Variants in PTPN6 observed in about 807,000 individuals in gnomAD.
PTPN6 encodes protein tyrosine phosphatase non-receptor type 6, also known as tyrosine-protein phosphatase non-receptor type 6.
A neutral mutation model predicts 81.5 loss-of-function variants in PTPN6; 18 were observed. That is an observed-to-expected ratio of 0.22 (90% CI 0.15 to 0.33). The LOEUF (loss-of-function observed/expected upper bound fraction) is 0.33. PTPN6 is among the 10% of genes least tolerant of loss of function. The pLI, the probability that PTPN6 is intolerant of heterozygous loss-of-function variation, is 1.00. For missense variants in PTPN6, 500 were observed against 794.2 expected (o/e 0.63, Z 4.45); for synonymous variants, 301 against 310.9 (o/e 0.97, Z 0.33).
chr12:6,956,535 C>A lies in PTPN6; in HGVS notation c.1041C>A (p.Ile347=). ...CGTGGCAGGAGAACAGCCGTGTCAT[C>A]GTCATGACCACCCGAGAGGTGGAGA... ...QMAWQENSRV[I]VMTTREVEKG... The change falls in exon 9 of 16, where the codon ATC becomes ATA. Residue 347 remains isoleucine, a synonymous_variant. Coordinates refer to ENST00000318974, the MANE Select transcript of PTPN6 (RefSeq NM_002831.6). This position sits in a 1 kb window ranked among gnomAD's most constrained non-coding sequence, Gnocchi z 4.1. 6.2e-7 allele frequency: 1 copy of A among 1,613,932 alleles called. No homozygotes were observed. Among genetic ancestry groups the A allele is most frequent in the Non-Finnish European group, 8.5e-7 (1 of 1,180,018 alleles).
In PTPN6 at chr12:6,958,059, C is replaced by A; in HGVS notation, c.1347C>A (p.Ile449=). The A allele has an allele frequency of 1.2e-6, 2 of 1,611,950 alleles. No homozygotes were observed. Among genetic ancestry groups the A allele is most frequent in the Non-Finnish European group, 1.7e-6 (2 of 1,180,038 alleles). Residue 449 remains isoleucine (I), a synonymous_variant, in exon 11 of 16, where the codon ATC becomes ATA. Coordinates refer to ENST00000318974, the MANE Select transcript of PTPN6 (RefSeq NM_002831.6). ...RQESLPHAGP[I]IVHCSAGIGR... ...AAAGTCTGCCTCACGCAGGGCCCAT[C>A]ATCGTGCACTGCAGGTGAGGATGAT...
At chr12:6,958,190 C>T (rs1946066616) in intron 11 of PTPN6, 117 bp downstream of exon 11, 1 of 1,390,120 alleles carries the variant, frequency 7.2e-7, no homozygotes, top group Non-Finnish European at 9.9e-7. Flanking sequence ...CCTCCGCTCA[C>T]CCCCGGCTTC....
rs200112594 is a variant in PTPN6, at chr12:6,960,146, G to C, written c.1488G>C (p.Ser496=). The C allele has an allele frequency of 1.2e-6, 2 of 1,613,580 alleles. No homozygotes were observed. Among genetic ancestry groups the C allele is most frequent in the African/African-American group, 2.7e-5 (2 of 74,890 alleles). The change falls in exon 13 of 16, where the codon TCG becomes TCC. Residue 496 remains serine (S), a synonymous_variant. Coordinates refer to ENST00000318974, the MANE Select transcript of PTPN6 (RefSeq NM_002831.6). This position sits in a 1 kb window ranked among gnomAD's most constrained non-coding sequence, Gnocchi z 6.1. The part of the protein sequence containing the change: ...KTIQMVRAQR[S]GMVQTEAQYK... ...TCCAGATGGTGCGGGCGCAGCGCTC[G>C]GGCATGGTGCAGACGGAGGCGCAGT... is the stretch of plus-strand genomic sequence containing the variant.
Position 6,951,885 on chromosome 12 carries a change from C to T in PTPN6, c.132-98C>T. The T allele has an allele frequency of 1.3e-6, 2 of 1,550,196 alleles. No homozygotes were observed. The highest frequency in any genetic ancestry group is 1.8e-6 in the Non-Finnish European group (2 of 1,132,290). On this transcript the variant is annotated intron_variant, in intron 2 of 15. Transcript: ENST00000318974. The surrounding 1 kb of genome is among the most constrained non-coding windows in gnomAD (Gnocchi z 7.2). ...CACTCCCCATCCCTGTCTGTGCCCA[C>T]CCATGCCCATGTGTGCCCCCACCCA...
Position 6,960,423 on chromosome 12 carries a change from G to T in PTPN6, c.1661G>T (p.Arg554Leu). 1 of 1,613,606 alleles carries T rather than the reference G, an allele frequency of 6.2e-7. No homozygotes were observed. The highest frequency in any genetic ancestry group is 8.5e-7 in the Non-Finnish European group (1 of 1,179,914). The change falls in exon 14 of 16, where the codon CGC (arginine) becomes CTC (leucine). Residue 554 changes from arginine (R) to leucine (L), a missense_variant. Physicochemically the swap from Arg to Leu is moderately radical, Grantham distance 102 (BLOSUM62 -2). Around this residue, in one of 6 missense-constraint regions of PTPN6, gnomAD observed 56 missense variants for 56.4 expected, o/e 0.99. Coordinates refer to ENST00000318974, the MANE Select transcript of PTPN6 (RefSeq NM_002831.6). This position sits in a 1 kb window ranked among gnomAD's most constrained non-coding sequence, Gnocchi z 6.1. ...AMKNAHAKAS[R>L]TSSKHKEDVY... ...AAGAATGCCCATGCCAAGGCCTCCC[G>T]CACCTCGTCCAAGTGAGTGGCCCTG...
rs782611366 is a variant in PTPN6, at chr12:6,960,772, C to G, written c.1674-34C>G. ...TGTGCTGTCTCCTGACCTGCACCAA[C>G]TGCCTGTACTTGCCCCCCTGCACCC... is the stretch of plus-strand genomic sequence containing the variant. On this transcript the variant is annotated intron_variant, in intron 14 of 15. Transcript: ENST00000318974. The surrounding 1 kb of genome is among the most constrained non-coding windows in gnomAD (Gnocchi z 6.1). The G allele has an allele frequency of 1.9e-6, 3 of 1,552,314 alleles. No homozygotes were observed. The East Asian group carries it at 7.3e-5, about 38-fold the overall frequency.
chr12:6,955,425 A>G lies in PTPN6; in HGVS notation c.687A>G (p.Glu229=). 1 of 1,614,120 alleles carries G rather than the reference A, an allele frequency of 6.2e-7. No individual in the cohort carries two copies. Among genetic ancestry groups the G allele is most frequent in the Non-Finnish European group, 8.5e-7 (1 of 1,180,002 alleles). ...CTGACATTGAGAACCGAGTGTTGGA[A>G]CTGAACAAGAAGCAGGAGTCCGAGG... ...NAADIENRVL[E]LNKKQESEDT... The change falls in exon 6 of 16, where the codon GAA becomes GAG. Residue 229 remains glutamate, a synonymous_variant. Transcript: ENST00000318974. This position sits in a 1 kb window ranked among gnomAD's most constrained non-coding sequence, Gnocchi z 7.2.
rs1338404165 is a variant in PTPN6 at position 6,951,476 on chromosome 12, A to G, written c.-37A>G. 1.2e-6 allele frequency: 2 copies of G among 1,613,254 alleles called. No homozygotes were observed. Among genetic ancestry groups the G allele is most frequent in the African/African-American group, 2.7e-5 (2 of 74,828 alleles). On this transcript the variant is annotated 5_prime_UTR_variant, in exon 1 of 16. Transcript: ENST00000318974. This position sits in a 1 kb window ranked among gnomAD's most constrained non-coding sequence, Gnocchi z 7.2. ...CTGCCCAGACTAGCTGCACCTCCTC[A>G]TTCCCTGCGCCCCCTTCCTCTCCGG...
At chr12:6,946,752 C>A, upstream of PTPN6, 1 of 1,610,366 alleles carries the variant, frequency 6.2e-7, no homozygotes, top group East Asian at 2.2e-5. Context: ...AAGTCCCGGG[C>A]ACCATCGGGG....
In PTPN6 at chr12:6,955,311, C is replaced by A. The variant is rs781954634; in HGVS notation, c.633+44C>A. On this transcript the variant is annotated intron_variant, in intron 5 of 15. Transcript: ENST00000318974. The surrounding 1 kb of genome is among the most constrained non-coding windows in gnomAD (Gnocchi z 7.2). ...TGCCTCCCCACTTCCCCTGAGCTGT[C>A]CCCCAGATGTGAGCTTCTGGGATCT... The A allele has an allele frequency of 1.2e-6, 2 of 1,609,732 alleles. No individual in the cohort carries two copies. The highest frequency in any genetic ancestry group is 2.2e-5 in the East Asian group (1 of 44,856).
Position 6,961,185 on chromosome 12 carries a change from G to A in PTPN6, c.*85G>A. ...GGACAGACTCACAACCTGAACCTAGGAGTGCCCCATTCTTTTGTAATTTAA... is the reference window on the plus strand; with the variant it reads ...GGACAGACTCACAACCTGAACCTAGAAGTGCCCCATTCTTTTGTAATTTAA... On this transcript the variant is annotated 3_prime_UTR_variant, in exon 16 of 16. Transcript: ENST00000318974. 1.8e-6 allele frequency: 1 copy of A among 559,910 alleles called. No homozygotes were observed. The highest frequency in any genetic ancestry group is 3.1e-6 in the Non-Finnish European group (1 of 320,116). The allele number at this position is 559,910 out of a possible 1,614,324, so 34.7% of individuals were successfully genotyped here.
chr12:6,957,759 A>T lies in PTPN6; in HGVS notation c.1180A>T (p.Thr394Ser). ...TGACACAACCGAATACAAACTCCGT[A>T]CCTTACAGGTCTCCCCGCTGGACAA... ...EHDTTEYKLR[T>S]LQVSPLDNGD... The change falls in exon 10 of 16, where the codon ACC becomes TCC. Residue 394 changes from threonine to serine, a missense_variant. Thr to Ser is a moderately conservative substitution (Grantham distance 58). Around this residue, in one of 6 missense-constraint regions of PTPN6, gnomAD observed 226 missense variants for 364.4 expected, o/e 0.62. Transcript: ENST00000318974. This position sits in a 1 kb window ranked among gnomAD's most constrained non-coding sequence, Gnocchi z 6.5. 6.2e-7 allele frequency: 1 copy of T among 1,614,020 alleles called. No individual in the cohort carries two copies. The highest frequency in any genetic ancestry group is 1.1e-5 in the South Asian group (1 of 91,080).
At chr12:6,947,275 C>G (rs896465351), upstream of PTPN6, among the ~76,000 whole-genome samples, 26 of 152,354 alleles carry the variant, frequency 1.7e-4, no homozygotes, top group Non-Finnish European at 3.4e-4. Context: ...CAGACATGGT[C>G]TCTGCTCTCA....
At chr12:6,958,304 A>G (rs955363018) in intron 11 of PTPN6, among the ~76,000 whole-genome samples, 8 of 152,090 alleles carry the variant, frequency 5.3e-5, no homozygotes, top group African/African-American at 1.9e-4. Context: ...CCCTCTCCGG[A>G]TGTACCATCT....
intron 11 of PTPN6, among the ~76,000 whole-genome samples, chr12:6,958,644 C>T (rs941023942): frequency 1.3e-5 from 2 of 152,196 alleles, no homozygotes; most frequent in African/African-American, 4.8e-5. Context: ...GCACATAACT[C>T]CTCTGTCTAT....
chr12:6,960,881 A>G lies in PTPN6; in HGVS notation c.1749A>G (p.Ala583=), dbSNP rs781820667. The change falls in exon 15 of 16, where the codon GCA becomes GCG. Residue 583 remains alanine (A), a synonymous_variant. Transcript: ENST00000318974. The surrounding 1 kb of genome is among the most constrained non-coding windows in gnomAD (Gnocchi z 6.1). ...REEKVKKQRS[A]DKEKSKGSLK... ...AGAAAGTGAAGAAGCAGCGGTCAGC[A>G]GACAAGGAGAAGAGCAAGGGTTCCC... 6.3e-7 allele frequency: 1 copy of G among 1,578,960 alleles called. No individual in the cohort carries two copies. Among genetic ancestry groups the G allele is most frequent in the African/African-American group, 1.3e-5 (1 of 74,240 alleles).
upstream of PTPN6, among the ~76,000 whole-genome samples, chr12:6,949,247 C>G (rs1945886782): frequency 6.6e-6 from 1 of 152,344 alleles, no homozygotes; most frequent in South Asian, 2.1e-4. Context: ...GGGTCCCCAC[C>G]TCTCAGAACA....
rs782031352 is a variant in PTPN6 at position 6,957,756 on chromosome 12, C to T, written c.1177C>T (p.Arg393Cys). ...GCATGACACAACCGAATACAAACTC[C>T]GTACCTTACAGGTCTCCCCGCTGGA... ...GEHDTTEYKLRTLQVSPLDNG... is the reference protein window; with the variant it reads ...GEHDTTEYKLCTLQVSPLDNG... The change falls in exon 10 of 16, where the codon CGT (arginine) becomes TGT (cysteine). Residue 393 changes from arginine (R) to cysteine (C), a missense_variant. By Grantham distance (180) the Arg-to-Cys change is radical. Transcript: ENST00000318974. This position sits in a 1 kb window ranked among gnomAD's most constrained non-coding sequence, Gnocchi z 6.5. The T allele has an allele frequency of 2.5e-6, 4 of 1,614,186 alleles. No homozygotes were observed. Among genetic ancestry groups the T allele is most frequent in the South Asian group, 1.1e-5 (1 of 91,084 alleles).
In PTPN6 at chr12:6,960,581, A is replaced by G. The variant is rs1946120459; in HGVS notation, c.1673+146A>G. The G allele has an allele frequency of 6.9e-7, 1 of 1,443,438 alleles. No homozygotes were observed. Among genetic ancestry groups the G allele is most frequent in the Non-Finnish European group, 9.5e-7 (1 of 1,050,110 alleles). The allele number at this position is 1,443,438 out of a possible 1,614,324, so 89.4% of individuals were successfully genotyped here. ...GTTCTCACCCCTTCTGTTCATAAGC[A>G]TTTCCTGAGTGCCCACACGTGTGGG... On this transcript the variant is annotated intron_variant, in intron 14 of 15. Transcript: ENST00000318974. The surrounding 1 kb of genome is among the most constrained non-coding windows in gnomAD (Gnocchi z 6.1).
Sources: allele counts gnomAD v4.1 joint callset (sites outside exome capture counted in the v4.1 genomes callset), GRCh38; gene constraint gnomAD v4.1.1; regional missense constraint gnomAD v4.1.1; non-coding constraint Gnocchi (gnomAD v3.1); transcripts MANE v1.5; gene names NCBI Gene and HGNC (gene_info 2026-07-23, HGNC 2026-07-21).